The following CEP41 variants were observed in gnomAD, a reference collection of about 807,000 sequenced individuals.
CEP41 encodes centrosomal protein 41, also known as centrosomal protein of 41 kDa.
CEP41 carries 32 observed loss-of-function variants against 44.3 expected under a neutral mutation model. That is an observed-to-expected ratio of 0.72 (90% CI 0.54 to 0.97). CEP41 has a LOEUF of 0.97. Among genes scored for constraint, CEP41 ranks in the 50% least tolerant of loss-of-function variants. The pLI is 0.00. For synonymous variants in CEP41, 151 were observed against 168.5 expected (o/e 0.90, Z 0.80); for missense variants, 432 against 455.2 (o/e 0.95, Z 0.46).
chr7:130,440,032 T>C (rs1798096652), intron 1 of CEP41, among the ~76,000 whole-genome samples: 1 of 152,208 alleles, frequency 6.6e-6, no homozygotes, highest in Non-Finnish European at 1.5e-5. Context: ...TTTATTTTTA[T>C]TTTTTTGAGA....
Position 130,412,099 on chromosome 7 carries a change from C to T in CEP41, c.207+80G>A, listed in dbSNP as rs902843355. 18 of 828,760 alleles carry T rather than the reference C, an allele frequency of 2.2e-5. No homozygotes were observed. The East Asian group carries it at 4.4e-4, about 20-fold the overall frequency. 51.3% of individuals were successfully genotyped at this position (828,760 alleles called of 1,614,324 possible). ...CAGAAGAAACTCCTCTGCAAACTTT[C>T]CCTAGAGTTGAATTTAGAAATACAT... On this transcript the variant is annotated intron_variant, in intron 4 of 10. Transcript: ENST00000223208.
At chr7:130,433,493 G>A (rs1554425570) in intron 1 of CEP41, among the ~76,000 whole-genome samples, 1 of 152,154 alleles carries the variant, frequency 6.6e-6, no homozygotes, top group East Asian at 1.9e-4. Context: ...ATAGGTAGGT[G>A]GTCAGAATGA....
rs529170359 is a variant in CEP41 at position 130,438,183 on chromosome 7, G to C, written c.33+2751C>G. Among the ~76,000 whole-genome samples, 9 of 152,286 alleles carry C rather than the reference G, an allele frequency of 5.9e-5. No individual in the cohort carries two copies. The South Asian group carries it at 1.9e-3, about 32-fold the overall frequency. On this transcript the variant is annotated intron_variant, in intron 1 of 10. Coordinates refer to ENST00000223208, the MANE Select transcript of CEP41 (RefSeq NM_018718.3). The stretch of plus-strand genomic sequence containing the variant: ...CGCATCTCTCAAAGCTAATCAGGAA[G>C]TATTGATGATTTTGCCCCCGTAAAT...
intron 3 of CEP41, among the ~76,000 whole-genome samples, chr7:130,416,521 G>A (rs1584888139): frequency 6.6e-6 from 1 of 152,042 alleles, no homozygotes; most frequent in Non-Finnish European, 1.5e-5. Context: ...ATACACACAA[G>A]AATGTTCTGA....
intron 2 of CEP41, chr7:130,420,795 A>G (rs1324152135): frequency 4.9e-6 from 3 of 608,482 alleles, no homozygotes; most frequent in Non-Finnish European, 6.2e-6. Context: ...ATAAATAAAT[A>G]GGAAAAATAC....
chr7:130,428,062 A>G (rs192519022), intron 1 of CEP41, 44 bp from the exon 2 acceptor site: 1 of 1,298,330 alleles, frequency 7.7e-7, no homozygotes, highest in Non-Finnish European at 1.1e-6. Context: ...TAATGTAAGG[A>G]TAACGATAAG....
At chr7:130,404,772 C>G in intron 5 of CEP41, 64 bp from the exon 6 acceptor site, 1 of 1,214,720 alleles carries the variant, frequency 8.2e-7, no homozygotes, top group South Asian at 1.2e-5. Context: ...CTTATTAGTT[C>G]CACTGACATT....
At chr7:130,410,167 A>G (rs1346317881) in intron 5 of CEP41, among the ~76,000 whole-genome samples, 5 of 151,874 alleles carry the variant, frequency 3.3e-5, no homozygotes, top group Admixed American at 3.3e-4. Flanking sequence ...CTGGGATTAC[A>G]GGTGCACACC....
intron 6 of CEP41, among the ~76,000 whole-genome samples, chr7:130,404,342 C>G (rs1554417706): frequency 6.6e-6 from 1 of 152,126 alleles, no homozygotes; most frequent in Non-Finnish European, 1.5e-5. Context: ...AAATTAAACT[C>G]TCCTATTAAT....
At chr7:130,416,528 C>T (rs1319164759) in intron 3 of CEP41, among the ~76,000 whole-genome samples, 1 of 152,180 alleles carries the variant, frequency 6.6e-6, no homozygotes, top group African/African-American at 2.4e-5. Flanking sequence ...CAAGAATGTT[C>T]TGAAGGAAGA....
chr7:130,427,502 C>A (rs1286855124), intron 2 of CEP41, among the ~76,000 whole-genome samples: 1 of 152,174 alleles, frequency 6.6e-6, no homozygotes, highest in Non-Finnish European at 1.5e-5. Flanking sequence ...AAACACAATT[C>A]ATACTCAGCT....
In CEP41 at chr7:130,421,663, T is replaced by C. The variant is rs1351478627; in HGVS notation, c.98-4697A>G. The C allele has an allele frequency of 4.6e-6, 5 of 1,076,656 alleles. No individual in the cohort carries two copies. In the African/African-American group the frequency reaches 8.3e-5, roughly 18 times the overall value. 66.7% of individuals were successfully genotyped at this position (1,076,656 alleles called of 1,614,324 possible). Reference sequence around the variant, plus strand: ...AGATAATAAAAGGAAGGTGAATTTTTAAAAAGACAAAAATAAGGCTAGAAA... The same window carrying C: ...AGATAATAAAAGGAAGGTGAATTTTCAAAAAGACAAAAATAAGGCTAGAAA... On this transcript the variant is annotated intron_variant, in intron 2 of 10. Transcript: ENST00000223208.
At chr7:130,417,711 T>C (rs1435483518) in intron 2 of CEP41, among the ~76,000 whole-genome samples, 1 of 152,226 alleles carries the variant, frequency 6.6e-6, no homozygotes. Context: ...CAGGGGCTAT[T>C]ATATTTTACT....
rs1462592008 is a variant in CEP41 at position 130,393,935 on chromosome 7, T to C, written c.*4956A>G. 4.4e-6 allele frequency: 2 copies of C among 453,986 alleles called. No homozygotes were observed. The highest frequency in any genetic ancestry group is 2.0e-5 in the African/African-American group (1 of 50,000). 28.1% of individuals were successfully genotyped at this position (453,986 alleles called of 1,614,324 possible). The stretch of plus-strand genomic sequence containing the variant: ...ATAACCTCGGAAGCCCTGGAGCACC[T>C]GTCTTCAAGATAAGACAGCAGACAC... On this transcript the variant is annotated 3_prime_UTR_variant, in exon 11 of 11. Coordinates refer to ENST00000223208, the MANE Select transcript of CEP41 (RefSeq NM_018718.3).
chr7:130,409,043 T>G (rs2117594219), intron 5 of CEP41, among the ~76,000 whole-genome samples: 1 of 152,318 alleles, frequency 6.6e-6, no homozygotes, highest in South Asian at 2.1e-4. Context: ...ACATAGACAG[T>G]GATTATTAGT....
intron 1 of CEP41, among the ~76,000 whole-genome samples, chr7:130,429,702 C>T (rs1197923545): frequency 1.3e-5 from 2 of 152,236 alleles, no homozygotes; most frequent in African/African-American, 2.4e-5. Flanking sequence ...CTTCACTACT[C>T]CTTGGGCAAA....
At chr7:130,437,781 A>G (rs1200987346) in intron 1 of CEP41, among the ~76,000 whole-genome samples, 1 of 135,900 alleles carries the variant, frequency 7.4e-6, no homozygotes, top group East Asian at 2.1e-4. Context: ...AAAAAAAAAA[A>G]AAAAAAAGAA....
upstream of CEP41, chr7:130,441,193 C>G (rs1031692514): frequency 1.1e-5 from 7 of 627,306 alleles, no homozygotes; most frequent in Admixed American, 1.1e-4. Flanking sequence ...CGCCGGCTAG[C>G]GAGGCCTTTT....
chr7:130,416,877 T>A (rs1360578258), intron 3 of CEP41, 42 bp downstream of exon 3: 1 of 1,433,710 alleles, frequency 7.0e-7, no homozygotes, highest in African/African-American at 1.4e-5. Flanking sequence ...ATAGAACAAC[T>A]ATAGACTTCC....
Sources: gnomAD v4.1 joint callset for allele counts (sites outside exome capture counted in the v4.1 genomes callset) on GRCh38, gnomAD v4.1.1 for gene constraint, MANE v1.5 for transcripts, NCBI Gene and HGNC (gene_info 2026-07-23, HGNC 2026-07-21) for gene names.